The following BMPR2 variants were observed in gnomAD, a reference collection of about 807,000 sequenced individuals.
BMPR2 encodes bone morphogenetic protein receptor type 2.
A neutral mutation model predicts 100.8 loss-of-function variants in BMPR2; 29 were observed. The observed-to-expected ratio is 0.29, with a 90% CI of 0.21 to 0.39. The LOEUF (loss-of-function observed/expected upper bound fraction) is 0.39. Among genes scored for constraint, BMPR2 ranks in the 10% least tolerant of loss-of-function variants. The probability of loss-of-function intolerance (pLI) is 1.00; values close to 1 mark genes in which losing one functional copy is unlikely to be tolerated. For missense variants in BMPR2, 1,011 were observed against 1,274.5 expected, an observed-to-expected ratio of 0.79 and a Z score of 3.15; for synonymous variants, 382 against 442.3, an observed-to-expected ratio of 0.86 and a Z score of 1.71.
rs1229124996 is a variant in BMPR2, at chr2:202,560,136, T to C, written c.*190T>C. ...GCTTATGCTTCCATATTTTTAAATT[T>C]TGTTTTTTAAGTTTTGCACTTTTGT... is the stretch of plus-strand genomic sequence containing the variant. On this transcript the variant is annotated 3_prime_UTR_variant, in exon 13 of 13. Coordinates refer to ENST00000374580, the MANE Select transcript of BMPR2 (RefSeq NM_001204.7). The C allele has an allele frequency of 1.3e-6, 1 of 760,036 alleles. No homozygotes were observed. The highest frequency in any genetic ancestry group is 1.8e-5 in the African/African-American group (1 of 56,712). The allele number at this position is 760,036 out of a possible 1,614,324, so 47.1% of individuals were successfully genotyped here.
At chr2:202,464,019 C>T (rs1009753371) in intron 1 of BMPR2, among the ~76,000 whole-genome samples, 12 of 151,860 alleles carry the variant, frequency 7.9e-5, no homozygotes, top group East Asian at 5.8e-4. Flanking sequence ...ATTAGCCGGG[C>T]GTGGTGGCAC....
chr2:202,491,487 G>A (rs1250998593), intron 3 of BMPR2, among the ~76,000 whole-genome samples: 3 of 151,266 alleles, frequency 2.0e-5, no homozygotes, highest in Non-Finnish European at 2.9e-5. Context: ...ACAGTGGCAC[G>A]ATCTCGGCTC....
At chr2:202,397,921 G>GACC (rs1690686124) in intron 1 of BMPR2, among the ~76,000 whole-genome samples, 2 of 151,728 alleles carry the variant, frequency 1.3e-5, no homozygotes, top group Non-Finnish European at 2.9e-5. Context: ...AGGAGTTTGA[G>GACC]ACCAGCCTGG....
chr2:202,451,441 G>A (rs899353435), intron 1 of BMPR2, among the ~76,000 whole-genome samples: 18 of 152,216 alleles, frequency 1.2e-4, no homozygotes, highest in South Asian at 2.1e-4. Context: ...GCCCACGCCT[G>A]TAATCCCAGC....
chr2:202,439,119 TAGATA>T (rs1691677777), intron 1 of BMPR2, among the ~76,000 whole-genome samples: 1 of 150,380 alleles, frequency 6.6e-6, no homozygotes, highest in Non-Finnish European at 1.5e-5. Context: ...TTCATTTGTT[TAGATA>T]AGATTACTTT....
intron 7 of BMPR2, chr2:202,520,717 C>G (rs984758253): frequency 1.9e-5 from 3 of 155,866 alleles, no homozygotes; most frequent in African/African-American, 7.2e-5. Context: ...TGCCATATGA[C>G]AAGAAAAAGC....
chr2:202,487,286 C>T (rs1292416834), intron 3 of BMPR2, among the ~76,000 whole-genome samples: 1 of 151,924 alleles, frequency 6.6e-6, no homozygotes, highest in African/African-American at 2.4e-5. Context: ...AACTTAATGG[C>T]TAAAGAAGAC....
intron 9 of BMPR2, 89 bp from the exon 10 acceptor site, chr2:202,542,221 TG>T (rs1688289812): frequency 1.0e-5 from 15 of 1,469,682 alleles, no homozygotes; most frequent in Non-Finnish European, 1.4e-5. Flanking sequence ...CAATTTTTTT[TG>T]CTTACTTGGT....
At chr2:202,515,828 G>C (rs1439620726) in intron 5 of BMPR2, among the ~76,000 whole-genome samples, 1 of 152,144 alleles carries the variant, frequency 6.6e-6, no homozygotes, top group Non-Finnish European at 1.5e-5. Flanking sequence ...GGTGGAGGTT[G>C]CAATGAGCCA....
chr2:202,457,903 T>G (rs1264510163), intron 1 of BMPR2, among the ~76,000 whole-genome samples: 3 of 151,930 alleles, frequency 2.0e-5, no homozygotes, highest in African/African-American at 2.4e-5. Flanking sequence ...GTAATTCTTG[T>G]AGTTTTTAGT....
At chr2:202,388,787 C>CAAA (rs1172001860) in intron 1 of BMPR2, among the ~76,000 whole-genome samples, 3 of 90,744 alleles carry the variant, frequency 3.3e-5, no homozygotes, top group African/African-American at 4.4e-5. Flanking sequence ...GATTCAGTCT[C>CAAA]AAAAAAAAAA....
chr2:202,559,301 C>G (rs1405660279), intron 12 of BMPR2, among the ~76,000 whole-genome samples: 2 of 145,184 alleles, frequency 1.4e-5, no homozygotes, highest in Admixed American at 6.8e-5. Context: ...GACTCCATCC[C>G]CCAAAAAAAA....
intron 1 of BMPR2, among the ~76,000 whole-genome samples, chr2:202,387,933 C>G (rs768056121): frequency 6.6e-5 from 10 of 152,176 alleles, no homozygotes; most frequent in Non-Finnish European, 1.0e-4. Flanking sequence ...ATTCATGTTA[C>G]TTATTCAAAC....
At chr2:202,496,778 C>G (rs533091614) in intron 3 of BMPR2, among the ~76,000 whole-genome samples, 63 of 152,372 alleles carry the variant, frequency 4.1e-4, no homozygotes, top group African/African-American at 1.4e-3. Flanking sequence ...TCGCTCTCAG[C>G]GCCTCCTCTG....
At position 202,484,145 on chromosome 2, in the gene BMPR2, A is replaced by G. The variant is rs62194092; in HGVS notation, c.418+16456A>G. ...GATTTCTATACATTGCTTTTAAGCTATGGTAAAGTCAAAAAATTTTAAGTC... is the reference window on the plus strand; with the variant it reads ...GATTTCTATACATTGCTTTTAAGCTGTGGTAAAGTCAAAAAATTTTAAGTC... On this transcript the variant is annotated intron_variant, in intron 3 of 12. Transcript: ENST00000374580. Among the ~76,000 whole-genome samples the G allele has an allele frequency of 4.9e-3, 746 of 152,356 alleles. 10 individuals carry two copies. Among genetic ancestry groups the G allele is most frequent in the Non-Finnish European group, 4.6e-3 (311 of 68,028 alleles).
chr2:202,416,823 TTTTTTCTTTTTC>T (rs961657189), intron 1 of BMPR2, among the ~76,000 whole-genome samples: 2 of 151,744 alleles, frequency 1.3e-5, no homozygotes, highest in African/African-American at 4.8e-5. Flanking sequence ...AACAAAGGAC[TTTTTTCTTTTTC>T]TTTTTCTTTT....
In BMPR2 at chr2:202,565,464, C is replaced by G. The variant is rs1190483786; in HGVS notation, c.*5518C>G. ...TCTATTTGAAAGTGGATTCAACCATCAGACCACCAGCAAATCGGCACTTAA... is the reference window on the plus strand; with the variant it reads ...TCTATTTGAAAGTGGATTCAACCATGAGACCACCAGCAAATCGGCACTTAA... On this transcript the variant is annotated 3_prime_UTR_variant, in exon 13 of 13. Coordinates refer to ENST00000374580, the MANE Select transcript of BMPR2 (RefSeq NM_001204.7). The G allele has an allele frequency of 6.6e-6, 1 of 152,536 alleles. No individual in the cohort carries two copies. The highest frequency in any genetic ancestry group is 1.5e-5 in the Non-Finnish European group (1 of 68,010). The allele number at this position is 152,536 out of a possible 1,614,324, so 9.4% of individuals were successfully genotyped here. A position where few individuals can be genotyped will look rare whatever the true frequency, so the allele number is the denominator to read the frequency against.
chr2:202,494,133 C>T (rs1314421966), intron 3 of BMPR2, among the ~76,000 whole-genome samples: 2 of 152,150 alleles, frequency 1.3e-5, no homozygotes, highest in East Asian at 1.9e-4. Context: ...TTGAGCTCCA[C>T]AATAAATCAT....
intron 3 of BMPR2, among the ~76,000 whole-genome samples, chr2:202,500,610 A>C (rs1361955469): frequency 2.6e-5 from 4 of 152,226 alleles, no homozygotes; most frequent in Non-Finnish European, 5.9e-5. Flanking sequence ...GGATTACAGA[A>C]TATTGTTAAA....
Sources: allele counts gnomAD v4.1 joint callset (sites outside exome capture counted in the v4.1 genomes callset), GRCh38; gene constraint gnomAD v4.1.1; transcripts MANE v1.5; gene names NCBI Gene and HGNC (gene_info 2026-07-23, HGNC 2026-07-21).